The following UNC13C variants were observed in gnomAD, a reference collection of about 807,000 sequenced individuals.
UNC13C encodes protein unc-13 homolog C.
UNC13C carries 174 observed loss-of-function variants against 245.4 expected under a neutral mutation model. The ratio of observed to expected loss-of-function variants is 0.71; its 90% CI spans 0.63 to 0.80. The LOEUF is 0.80. Among genes scored for constraint, UNC13C ranks in the 30% least tolerant of loss-of-function variants. The pLI, the probability that UNC13C is intolerant of heterozygous loss-of-function variation, is 0.00. For synonymous variants in UNC13C, 992 were observed against 895.1 expected (o/e 1.11, Z -1.93); for missense variants, 2,829 against 2,602.9 (o/e 1.09, Z -1.89).
At chr15:54,070,367 G>A (rs1439225311) in intron 2 of UNC13C, among the ~76,000 whole-genome samples, 1 of 152,116 alleles carries the variant, frequency 6.6e-6, no homozygotes, top group Non-Finnish European at 1.5e-5. Context: ...GAAAATGGAA[G>A]GCAGCCCGTG....
intron 28 of UNC13C, among the ~76,000 whole-genome samples, chr15:54,554,058 A>G (rs550877134): frequency 1.3e-5 from 2 of 152,170 alleles, no homozygotes; most frequent in African/African-American, 4.8e-5. Context: ...TCATGGATCC[A>G]TGAAACATTA....
intron 10 of UNC13C, among the ~76,000 whole-genome samples, chr15:54,282,810 A>C (rs948182897): frequency 6.6e-6 from 1 of 152,182 alleles, no homozygotes; most frequent in African/African-American, 2.4e-5. Flanking sequence ...AACAGCTCTC[A>C]GCGGAGAGGG....
At chr15:53,847,436 A>C in the UNC13C span, among the ~76,000 whole-genome samples, 1 of 151,440 alleles carries the variant, frequency 6.6e-6, no homozygotes, top group African/African-American at 2.4e-5. Context: ...CCCTCACTGC[A>C]ACCTCTGCCT....
chr15:54,055,060 G>C (rs1179652314), intron 2 of UNC13C, among the ~76,000 whole-genome samples: 1 of 151,958 alleles, frequency 6.6e-6, no homozygotes, highest in African/African-American at 2.4e-5. Flanking sequence ...TTATTATAGG[G>C]GTCAAGCTTG....
At chr15:53,844,426 G>A in the UNC13C span, among the ~76,000 whole-genome samples, 1,019 of 152,212 alleles carry the variant, frequency 6.7e-3, 6 homozygotes, top group Non-Finnish European at 9.6e-3. Flanking sequence ...ATGTGGGATT[G>A]TTTGTTTGCT....
chr15:54,437,775 A>C (rs147016011), intron 19 of UNC13C, among the ~76,000 whole-genome samples: 4,500 of 152,006 alleles, frequency 0.03, 179 homozygotes, highest in Admixed American at 0.12. Flanking sequence ...CCATATATGC[A>C]GAGTATATCC....
intron 2 of UNC13C, among the ~76,000 whole-genome samples, chr15:54,100,105 C>CAAAACA (rs1900085954): frequency 8.9e-6 from 1 of 111,898 alleles, no homozygotes; most frequent in African/African-American, 3.6e-5. Flanking sequence ...TACTCTGTCT[C>CAAAACA]AAAAAAAAAA....
At chr15:54,433,011 C>G (rs1014098203) in intron 19 of UNC13C, among the ~76,000 whole-genome samples, 2 of 151,998 alleles carry the variant, frequency 1.3e-5, no homozygotes, top group Non-Finnish European at 2.9e-5. Context: ...TGGATAAATT[C>G]ATTAACACAT....
chr15:54,058,700 C>T (rs1413464273), intron 2 of UNC13C, among the ~76,000 whole-genome samples: 1 of 152,088 alleles, frequency 6.6e-6, no homozygotes, highest in Non-Finnish European at 1.5e-5. Flanking sequence ...AACTTTGATG[C>T]AAAAATCCTC....
At position 54,468,835 on chromosome 15, in the gene UNC13C, T is replaced by C. The variant is rs968052843; in HGVS notation, c.4934-25773T>C. On this transcript the variant is annotated intron_variant, in intron 19 of 32. Transcript: ENST00000260323. ...CTGTTTTTATGTCAATACTATGCACTTGGTTTATTATAGCTTTGTAAGTAT... is the reference window on the plus strand; with the variant it reads ...CTGTTTTTATGTCAATACTATGCACCTGGTTTATTATAGCTTTGTAAGTAT... 4.0e-5 allele frequency among the ~76,000 whole-genome samples: 6 copies of C among 151,856 alleles called. No homozygotes were observed. In the East Asian group the frequency reaches 7.7e-4, roughly 20 times the overall value.
the UNC13C span, among the ~76,000 whole-genome samples, chr15:53,861,965 T>A: frequency 7.9e-5 from 12 of 152,252 alleles, no homozygotes; most frequent in African/African-American, 2.6e-4. Flanking sequence ...CAGTGTATCA[T>A]CAGGAGGCAT....
chr15:54,414,821 A>T (rs892295933), intron 18 of UNC13C, among the ~76,000 whole-genome samples, 161 bp from the exon 19 acceptor site: 8 of 148,470 alleles, frequency 5.4e-5, no homozygotes, highest in Admixed American at 3.4e-4. Flanking sequence ...AGTGTGTAAC[A>T]TTTTTTTTTT....
intron 4 of UNC13C, among the ~76,000 whole-genome samples, chr15:54,201,422 A>T (rs989863378): frequency 6.6e-6 from 1 of 152,036 alleles, no homozygotes; most frequent in Admixed American, 6.6e-5. Flanking sequence ...TCAACAAAAT[A>T]ATAGGGAATA....
At chr15:54,151,349 T>C (rs2032506427) in intron 4 of UNC13C, among the ~76,000 whole-genome samples, 1 of 152,164 alleles carries the variant, frequency 6.6e-6, no homozygotes, top group African/African-American at 2.4e-5. Flanking sequence ...AGGATAATCC[T>C]AGTACATGTA....
At chr15:54,255,909 G>A (rs1451020294) in intron 8 of UNC13C, among the ~76,000 whole-genome samples, 1 of 152,164 alleles carries the variant, frequency 6.6e-6, no homozygotes, top group Non-Finnish European at 1.5e-5. Context: ...TAACCCAAAG[G>A]AATAGACTAA....
intron 1 of UNC13C, among the ~76,000 whole-genome samples, chr15:54,009,220 A>C (rs1895273065): frequency 6.6e-6 from 1 of 152,152 alleles, no homozygotes. Context: ...TTCACTTCTG[A>C]CTGCTTCTTT....
the UNC13C span, chr15:53,912,175 T>A: frequency 6.6e-6 from 1 of 152,152 alleles, no homozygotes; most frequent in East Asian, 1.9e-4. Flanking sequence ...GAGGCAATCG[T>A]CCCCAGAGCT....
intron 2 of UNC13C, among the ~76,000 whole-genome samples, chr15:54,142,521 A>C (rs1332756023): frequency 6.6e-6 from 1 of 152,204 alleles, no homozygotes; most frequent in Admixed American, 6.5e-5. Context: ...ATAAATATAT[A>C]AACTCTTAAT....
intron 19 of UNC13C, among the ~76,000 whole-genome samples, chr15:54,473,626 A>T (rs977789207): frequency 1.3e-5 from 2 of 151,660 alleles, no homozygotes; most frequent in South Asian, 2.1e-4. Flanking sequence ...TCATATAATG[A>T]CCTCTGGTTC....
Sources: gnomAD v4.1 joint callset for allele counts (sites outside exome capture counted in the v4.1 genomes callset) on GRCh38, gnomAD v4.1.1 for gene constraint, MANE v1.5 for transcripts, NCBI Gene and HGNC (gene_info 2026-07-23, HGNC 2026-07-21) for gene names.